ANKHD1: variants seen among roughly 807,000 people sequenced by gnomAD.
The protein encoded by ANKHD1 is ankyrin repeat and KH domain-containing protein 1.
ANKHD1 carries 31 observed loss-of-function variants against 230.5 expected under a neutral mutation model. That is an observed-to-expected ratio of 0.13 (90% CI 0.10 to 0.18). The LOEUF (loss-of-function observed/expected upper bound fraction) is 0.18, where lower values mean the gene tolerates loss of function less well. Among genes scored for constraint, ANKHD1 ranks in the 10% least tolerant of loss-of-function variants. The probability of loss-of-function intolerance (pLI) is 1.00; values close to 1 mark genes in which losing one functional copy is unlikely to be tolerated. For synonymous variants in ANKHD1, 1,074 were observed against 1,117.6 expected, an observed-to-expected ratio of 0.96 and a Z score of 0.78; for missense variants, 2,256 against 3,071.3, an observed-to-expected ratio of 0.73 and a Z score of 6.27.
rs1751448797 is a variant in ANKHD1 at position 140,485,271 on chromosome 5, A to AC, written c.1998+23_1998+24insC. 1 of 1,601,250 alleles carries AC rather than the reference A, an allele frequency of 6.2e-7. No homozygotes were observed. Among genetic ancestry groups the AC allele is most frequent in the Admixed American group, 1.7e-5 (1 of 59,456 alleles). On this transcript the variant is annotated intron_variant, in intron 12 of 33. Transcript: ENST00000360839. This position sits in a 1 kb window ranked among gnomAD's most constrained non-coding sequence, Gnocchi z 4.8. ...AAGGTAGTCTACTTAAAAATAAGTA[A>AC]ACAGGCTGTGTGCGGTGGCTCATGT...
Position 140,526,423 on chromosome 5 carries a change from T to C in ANKHD1, c.4920T>C (p.Ala1640=). The C allele has an allele frequency of 1.2e-6, 2 of 1,610,752 alleles. No homozygotes were observed. Among genetic ancestry groups the C allele is most frequent in the East Asian group, 2.2e-5 (1 of 44,856 alleles). The stretch of plus-strand genomic sequence containing the variant: ...CCCAAGAAGAAAAGACAAGTACTGC[T>C]ACTTCCAAAACTCAGACACGGTAAA... ...LHSQEEKTST[A]TSKTQTRLEG... is the part of the protein sequence containing the mutation. The change falls in exon 26 of 34, where the codon GCT becomes GCC. Residue 1640 remains alanine (A), a synonymous_variant. Coordinates refer to ENST00000360839, the MANE Select transcript of ANKHD1 (RefSeq NM_017747.3).
In ANKHD1 at chr5:140,505,126, A is replaced by C; in HGVS notation, c.3155A>C (p.Glu1052Ala). 1 of 1,613,830 alleles carries C rather than the reference A, an allele frequency of 6.2e-7. No individual in the cohort carries two copies. Residue 1052 changes from glutamate to alanine, a missense_variant, in exon 17 of 34, where the codon GAG becomes GCG. By Grantham distance (107) the Glu-to-Ala change is moderately radical. Around this residue, in one of 13 missense-constraint regions of ANKHD1, gnomAD observed 63 missense variants for 125.5 expected, o/e 0.50. Coordinates refer to ENST00000360839, the MANE Select transcript of ANKHD1 (RefSeq NM_017747.3). ...YPSVDIDAHT[E>A]SNHDTALTLA... Reference sequence around the variant, plus strand: ...CTTATTTTTTTCTTCTCCTAGACTGAGAGCAATCATGACACAGCATTAACA... The same window carrying C: ...CTTATTTTTTTCTTCTCCTAGACTGCGAGCAATCATGACACAGCATTAACA...
intron 1 of ANKHD1, among the ~76,000 whole-genome samples, chr5:140,416,265 T>C (rs1391484886): frequency 6.6e-6 from 1 of 152,252 alleles, no homozygotes; most frequent in Non-Finnish European, 1.5e-5. Flanking sequence ...CGTGTGTCTT[T>C]ATAGCAGCAT....
At chr5:140,473,922 A>C (rs887859587) in intron 10 of ANKHD1, among the ~76,000 whole-genome samples, 2 of 152,154 alleles carry the variant, frequency 1.3e-5, no homozygotes, top group African/African-American at 4.8e-5. Flanking sequence ...GATTCCATAG[A>C]TCTGAAATAG....
At chr5:140,526,854 T>A (rs1753629193) in intron 26 of ANKHD1, 74 bp from the exon 27 acceptor site, 1 of 1,493,048 alleles carries the variant, frequency 6.7e-7, no homozygotes. Context: ...TAACTCTGGC[T>A]ATAAAGGAAT....
intron 10 of ANKHD1, among the ~76,000 whole-genome samples, chr5:140,479,006 T>TATTC (rs1307985103): frequency 6.7e-6 from 1 of 149,980 alleles, no homozygotes; most frequent in Non-Finnish European, 1.5e-5. Context: ...TTTATTTATT[T>TATTC]ATTTATTTTT....
chr5:140,488,354 G>C (rs1751601357), intron 14 of ANKHD1, among the ~76,000 whole-genome samples: 2 of 152,098 alleles, frequency 1.3e-5, no homozygotes, highest in Non-Finnish European at 2.9e-5. Flanking sequence ...AAAGGCTGAG[G>C]CTGGTGAATC....
chr5:140,417,159 C>T (rs1046555116), intron 1 of ANKHD1, among the ~76,000 whole-genome samples: 2 of 151,702 alleles, frequency 1.3e-5, no homozygotes, highest in Non-Finnish European at 2.9e-5. Flanking sequence ...CCTGATTTAT[C>T]CTCATATTGA....
chr5:140,442,728 C>G (rs951550829), intron 5 of ANKHD1, among the ~76,000 whole-genome samples: 2 of 152,150 alleles, frequency 1.3e-5, no homozygotes, highest in Non-Finnish European at 2.9e-5. Flanking sequence ...TTCAGAAATG[C>G]TGAGAAGTAG....
chr5:140,409,392 G>A (rs1044180157), intron 1 of ANKHD1, among the ~76,000 whole-genome samples: 5 of 152,042 alleles, frequency 3.3e-5, no homozygotes, highest in African/African-American at 1.2e-4. Context: ...AACTTTTATG[G>A]GGACTTCCAG....
intron 24 of ANKHD1, among the ~76,000 whole-genome samples, chr5:140,523,047 A>C (rs1384647597): frequency 1.4e-5 from 2 of 146,290 alleles, no homozygotes; most frequent in Non-Finnish European, 3.0e-5. Context: ...ACAAATAAAA[A>C]TTTGTGTATA....
At chr5:140,419,973 C>T (rs1771833632) in intron 1 of ANKHD1, among the ~76,000 whole-genome samples, 1 of 19,470 alleles carries the variant, frequency 5.1e-5, no homozygotes, top group Non-Finnish European at 9.8e-5. Flanking sequence ...CCCCTCCCCT[C>T]CCCTCTCCTC....
chr5:140,420,713 A>G (rs1771907108), intron 1 of ANKHD1, among the ~76,000 whole-genome samples: 1 of 152,142 alleles, frequency 6.6e-6, no homozygotes, highest in East Asian at 1.9e-4. Flanking sequence ...CCAGTTCCAC[A>G]CTGTCTTGAT....
chr5:140,440,113 T>C lies in ANKHD1; in HGVS notation c.618-6T>C, dbSNP rs770988973. 1 of 1,596,174 alleles carries C rather than the reference T, an allele frequency of 6.3e-7. No homozygotes were observed. Among genetic ancestry groups the C allele is most frequent in the Non-Finnish European group, 8.5e-7 (1 of 1,171,676 alleles). Reference sequence around the variant, plus strand: ...TCGGTTAATTGTTGAATGGTTTTGTTTCCAGTCGCAGTCTAGCAGAAGCTT... The same window carrying C: ...TCGGTTAATTGTTGAATGGTTTTGTCTCCAGTCGCAGTCTAGCAGAAGCTT... On this transcript the variant is annotated splice_region_variant and splice_polypyrimidine_tract_variant and intron_variant, in intron 3 of 33. Transcript: ENST00000360839.
rs188472982 is a variant in ANKHD1 at position 140,533,241 on chromosome 5, A to G, written c.6851-2121A>G. 1.9e-3 allele frequency among the ~76,000 whole-genome samples: 285 copies of G among 152,284 alleles called. 2 individuals carry two copies. The highest frequency in any genetic ancestry group is 6.2e-3 in the African/African-American group (259 of 41,558). Reference sequence around the variant, plus strand: ...GTCAGGAGGATCACTTGAACCCAGGAGTTCGAGACCACCCTAGGCAGCATA... The same window carrying G: ...GTCAGGAGGATCACTTGAACCCAGGGGTTCGAGACCACCCTAGGCAGCATA... On this transcript the variant is annotated intron_variant, in intron 29 of 33. Coordinates refer to ENST00000360839, the MANE Select transcript of ANKHD1 (RefSeq NM_017747.3).
chr5:140,432,357 TTC>T (rs1443962262), intron 1 of ANKHD1, among the ~76,000 whole-genome samples: 1 of 152,214 alleles, frequency 6.6e-6, no homozygotes, highest in East Asian at 1.9e-4. Flanking sequence ...TGTGTCTCCC[TTC>T]TTTCACTAAA....
Position 140,539,381 on chromosome 5 carries a change from C to G in ANKHD1, c.7592C>G (p.Pro2531Arg). The change falls in exon 34 of 34, where the codon CCT (proline) becomes CGT (arginine). Residue 2531 changes from proline (P) to arginine (R), a missense_variant. Physicochemically the swap from Pro to Arg is moderately radical, Grantham distance 103. Around this residue, in one of 13 missense-constraint regions of ANKHD1, gnomAD observed 778 missense variants for 966.5 expected, o/e 0.80. Coordinates refer to ENST00000360839, the MANE Select transcript of ANKHD1 (RefSeq NM_017747.3). ...CAGATTTGGCCTGGCACGTGGGCAC[C>G]TCATATTGGAAACATGCATCTCAAA... Reference protein sequence around the residue: ...AQQIWPGTWAPHIGNMHLKYV... With the variant: ...AQQIWPGTWARHIGNMHLKYV... 1.2e-6 allele frequency: 2 copies of G among 1,613,990 alleles called. No homozygotes were observed. The highest frequency in any genetic ancestry group is 1.7e-6 in the Non-Finnish European group (2 of 1,179,922).
chr5:140,416,915 T>C (rs1030989670), intron 1 of ANKHD1, among the ~76,000 whole-genome samples: 3 of 151,890 alleles, frequency 2.0e-5, no homozygotes, highest in African/African-American at 4.8e-5. Context: ...TTGTATTGAA[T>C]CTATAGATTG....
At chr5:140,427,334 A>C (rs1035714417) in intron 1 of ANKHD1, among the ~76,000 whole-genome samples, 32 of 81,204 alleles carry the variant, frequency 3.9e-4, no homozygotes, top group Admixed American at 5.7e-4. Flanking sequence ...CGACCCCCCC[A>C]CCTCCCTCCC....
Sources: allele counts gnomAD v4.1 joint callset (sites outside exome capture counted in the v4.1 genomes callset), GRCh38; gene constraint gnomAD v4.1.1; regional missense constraint gnomAD v4.1.1; non-coding constraint Gnocchi (gnomAD v3.1); transcripts MANE v1.5; gene names NCBI Gene and HGNC (gene_info 2026-07-23, HGNC 2026-07-21).